The following LARGE1 variants were observed in gnomAD, a reference collection of about 807,000 sequenced individuals.
The protein encoded by LARGE1 is xylosyl- and glucuronyltransferase LARGE1.
A neutral mutation model predicts 87.6 loss-of-function variants in LARGE1; 43 were observed. The observed-to-expected ratio is 0.49, with a 90% confidence interval of 0.38 to 0.63. The LOEUF (loss-of-function observed/expected upper bound fraction) is 0.63. LARGE1 is among the 30% of genes least tolerant of loss of function. LARGE1 has a pLI of 0.00. For synonymous variants in LARGE1, 434 were observed against 394.6 expected (o/e 1.10, Z -1.18); for missense variants, 802 against 1,000.2 (o/e 0.80, Z 2.67).
chr22:33,713,513 T>G (rs1259833785), intron 2 of LARGE1, among the ~76,000 whole-genome samples: 1 of 152,064 alleles, frequency 6.6e-6, no homozygotes, highest in East Asian at 1.9e-4. Flanking sequence ...CACACACAGC[T>G]GGACACAGCA....
At chr22:33,674,086 G>C (rs2081495898) in intron 2 of LARGE1, among the ~76,000 whole-genome samples, 1 of 152,110 alleles carries the variant, frequency 6.6e-6, no homozygotes, top group Non-Finnish European at 1.5e-5. Context: ...TGGGATTACA[G>C]GTGTGAGCCA....
intron 11 of LARGE1, among the ~76,000 whole-genome samples, chr22:33,257,079 CTTG>C (rs1172751029): frequency 6.6e-6 from 1 of 152,166 alleles, no homozygotes; most frequent in Non-Finnish European, 1.5e-5. Flanking sequence ...GTGGTGCATG[CTTG>C]TAATCCCAGC....
intron 1 of LARGE1, among the ~76,000 whole-genome samples, chr22:33,858,897 T>A (rs570151907): frequency 1.3e-5 from 2 of 152,104 alleles, no homozygotes; most frequent in African/African-American, 4.8e-5. Context: ...TGCAGGGACA[T>A]GGGTTAAGCT....
At chr22:33,288,295 A>G (rs993372538) in intron 12 of LARGE1, among the ~76,000 whole-genome samples, 1 of 152,186 alleles carries the variant, frequency 6.6e-6, no homozygotes, top group African/African-American at 2.4e-5. Flanking sequence ...TGAAGGCCTT[A>G]AGAACAAAAA....
intron 6 of LARGE1, among the ~76,000 whole-genome samples, chr22:33,505,999 T>C (rs1170397615): frequency 6.6e-6 from 1 of 152,068 alleles, no homozygotes; most frequent in African/African-American, 2.4e-5. Context: ...GGTGCCAATG[T>C]GCAAATCAAA....
At chr22:33,076,002 C>T in the LARGE1 span, among the ~76,000 whole-genome samples, 1 of 152,102 alleles carries the variant, frequency 6.6e-6, no homozygotes, top group African/African-American at 2.4e-5. Context: ...ATCTAATAAA[C>T]ATCGATAGGC....
intron 14 of LARGE1, among the ~76,000 whole-genome samples, chr22:33,276,845 C>G (rs1929402993): frequency 6.6e-6 from 1 of 152,170 alleles, no homozygotes; most frequent in South Asian, 2.1e-4. Flanking sequence ...TCACATTTAC[C>G]TGGGTCCTGG....
At chr22:33,773,072 G>A (rs1259217929) in intron 1 of LARGE1, among the ~76,000 whole-genome samples, 2 of 152,172 alleles carry the variant, frequency 1.3e-5, no homozygotes, top group African/African-American at 4.8e-5. Context: ...TGCACGTGAG[G>A]TCATTTGCAA....
At chr22:33,249,528 G>A (rs1926919877) in intron 11 of LARGE1, among the ~76,000 whole-genome samples, 1 of 152,158 alleles carries the variant, frequency 6.6e-6, no homozygotes, top group South Asian at 2.1e-4. Context: ...TCACAGAGCA[G>A]AAGTTTTCTA....
intron 3 of LARGE1, among the ~76,000 whole-genome samples, chr22:33,635,621 G>A (rs1218154400): frequency 2.6e-5 from 4 of 152,108 alleles, no homozygotes; most frequent in African/African-American, 9.7e-5. Flanking sequence ...AAGAAGGTGA[G>A]ACACAGAGTG....
At chr22:33,911,529 C>T (rs934413880) in intron 1 of LARGE1, among the ~76,000 whole-genome samples, 1 of 152,140 alleles carries the variant, frequency 6.6e-6, no homozygotes, top group African/African-American at 2.4e-5. Flanking sequence ...GACATGGGAG[C>T]GCCGGTCTAC....
intron 9 of LARGE1, among the ~76,000 whole-genome samples, chr22:33,341,595 T>C (rs760426290): frequency 1.2e-4 from 18 of 146,504 alleles, no homozygotes; most frequent in Middle Eastern, 3.4e-3. Flanking sequence ...CATGGCACAG[T>C]GAATTATGGG....
At chr22:33,836,116 C>G (rs2063101789) in intron 1 of LARGE1, among the ~76,000 whole-genome samples, 1 of 152,170 alleles carries the variant, frequency 6.6e-6, no homozygotes, top group Non-Finnish European at 1.5e-5. Flanking sequence ...TTGACAGTGA[C>G]TAGAGTGCAG....
In LARGE1 at chr22:33,469,082, C is replaced by A. The variant is rs151072968; in HGVS notation, c.788-36817G>T. Among the ~76,000 whole-genome samples, 104 of 152,324 alleles carry A rather than the reference C, an allele frequency of 6.8e-4. No homozygotes were observed. In the East Asian group the frequency reaches 0.017, roughly 25 times the overall value. On this transcript the variant is annotated intron_variant, in intron 6 of 14. Coordinates refer to ENST00000397394, the MANE Select transcript of LARGE1 (RefSeq NM_133642.5). ...GAGAAAAGGGAATGCTTATACACTGCTGGTAGGAATGTAAATTAGTTCAGC... is the reference window on the plus strand; with the variant it reads ...GAGAAAAGGGAATGCTTATACACTGATGGTAGGAATGTAAATTAGTTCAGC...
At chr22:33,248,864 C>T (rs761819552) in intron 11 of LARGE1, among the ~76,000 whole-genome samples, 9 of 152,170 alleles carry the variant, frequency 5.9e-5, no homozygotes, top group South Asian at 2.1e-4. Flanking sequence ...AAGGTTCCTC[C>T]GTGCCTTTTC....
chr22:33,356,764 A>G (rs1031551776), intron 9 of LARGE1, among the ~76,000 whole-genome samples: 5 of 152,152 alleles, frequency 3.3e-5, no homozygotes, highest in African/African-American at 9.7e-5. Flanking sequence ...GTGAGACTCC[A>G]TATCAAAAAA....
chr22:33,513,906 C>T (rs1228480043), intron 6 of LARGE1, among the ~76,000 whole-genome samples: 5 of 151,288 alleles, frequency 3.3e-5, no homozygotes, highest in Non-Finnish European at 7.4e-5. Context: ...GTTGTGGTCC[C>T]ATAAGATTAT....
Position 33,761,490 on chromosome 22 carries a change from G to A in LARGE1, c.-14C>T. The A allele has an allele frequency of 1.2e-6, 2 of 1,601,922 alleles. No homozygotes were observed. The highest frequency in any genetic ancestry group is 1.3e-5 in the African/African-American group (1 of 74,788). ...GATTCCCAGCATCCTCTCAGAAGTG[G>A]CAATCCCTAATCCCAGCGCCGTTTC... On this transcript the variant is annotated 5_prime_UTR_variant, in exon 2 of 15. Coordinates refer to ENST00000397394, the MANE Select transcript of LARGE1 (RefSeq NM_133642.5).
At chr22:33,782,704 A>C (rs1293630154) in intron 1 of LARGE1, among the ~76,000 whole-genome samples, 2 of 151,964 alleles carry the variant, frequency 1.3e-5, no homozygotes, top group Non-Finnish European at 2.9e-5. Context: ...GTCTCTACTA[A>C]AAATACAAAA....
Sources: gnomAD v4.1 joint callset for allele counts (sites outside exome capture counted in the v4.1 genomes callset) on GRCh38, gnomAD v4.1.1 for gene constraint, MANE v1.5 for transcripts, NCBI Gene and HGNC (gene_info 2026-07-23, HGNC 2026-07-21) for gene names.